The following LTBR variants were observed in gnomAD, a reference collection of about 807,000 sequenced individuals.
The protein encoded by LTBR is tumor necrosis factor receptor superfamily member 3.
LTBR carries 15 observed loss-of-function variants against 45.4 expected under a neutral mutation model. The observed-to-expected ratio is 0.33, with a 90% CI of 0.22 to 0.51. The LOEUF is 0.51. Ranked by LOEUF, LTBR falls within the 20% of genes least tolerant of loss-of-function variation. The pLI is 0.97. For synonymous variants in LTBR, 228 were observed against 231.0 expected (o/e 0.99, Z 0.12); for missense variants, 450 against 565.5 (o/e 0.80, Z 2.07).
chr12:6,375,592 A>G, exon 1 of LTBR: 3 of 983,388 alleles, frequency 3.1e-6, no homozygotes, highest in Non-Finnish European at 4.4e-6. Context: ...ATCTCAATTA[A>G]AGGTGAGCAG....
rs1034540702 is a variant in LTBR, at chr12:6,385,080, C to T, written c.252C>T (p.Ala84=). 1 of 1,614,208 alleles carries T rather than the reference C, an allele frequency of 6.2e-7. No homozygotes were observed. The highest frequency in any genetic ancestry group is 1.3e-5 in the African/African-American group (1 of 75,046). ...RIRDTVCATC[A]ENSYNEHWNY... is the part of the protein sequence containing the mutation. ...GGGACACAGTTTGTGCCACATGTGC[C>T]GAGAATTCCTACAACGAGCACTGGA... Residue 84 remains alanine (A), a synonymous_variant, in exon 3 of 10, where the codon GCC becomes GCT. Transcript: ENST00000228918.
chr12:6,384,865 C>T (rs771730050), intron 2 of LTBR, 157 bp from the exon 3 acceptor site: 2 of 1,080,372 alleles, frequency 1.9e-6, no homozygotes, highest in Admixed American at 2.0e-5. Flanking sequence ...CACTGGGCCT[C>T]CTCTTTCCTT....
intron 1 of LTBR, among the ~76,000 whole-genome samples, chr12:6,376,750 C>T (rs1216658826): frequency 6.6e-6 from 1 of 152,130 alleles, no homozygotes; most frequent in East Asian, 1.9e-4. Flanking sequence ...GCCCTGCACG[C>T]GGCAGGGAAG....
intron 1 of LTBR, chr12:6,377,160 T>G: frequency 9.4e-7 from 1 of 1,063,496 alleles, no homozygotes; most frequent in Non-Finnish European, 1.4e-6. Context: ...TCCAACCTGG[T>G]CTGTGGCTTC....
At position 6,385,252 on chromosome 12, in the gene LTBR, C is replaced by G; in HGVS notation, c.345C>G (p.Pro115=). The change falls in exon 4 of 10, where the codon CCC becomes CCG. Residue 115 remains proline (P), a synonymous_variant. Transcript: ENST00000228918. ...TGATGGGCCTCGAGGAGATTGCCCC[C>G]TGCACAAGCAAACGGAAGACCCAGT... The part of the protein sequence containing the change: ...DPVMGLEEIA[P]CTSKRKTQCR... The G allele has an allele frequency of 6.2e-7, 1 of 1,614,120 alleles. No individual in the cohort carries two copies.
upstream of LTBR, among the ~76,000 whole-genome samples, chr12:6,380,498 A>G (rs747934720): frequency 2.0e-5 from 3 of 152,288 alleles, no homozygotes; most frequent in African/African-American, 2.4e-5. Flanking sequence ...CCTGTGGCCA[A>G]CATGGCAAAA....
rs572333584 is a variant in LTBR, at chr12:6,391,268, G to A, written c.*331G>A. 9 of 230,330 alleles carry A rather than the reference G, an allele frequency of 3.9e-5. No homozygotes were observed. The highest frequency in any genetic ancestry group is 1.7e-4 in the South Asian group (1 of 5,842). The allele number at this position is 230,330 out of a possible 1,614,324, so 14.3% of individuals were successfully genotyped here. Reference sequence around the variant, plus strand: ...ACCGGAGCACGGCACCGAGGGAGCCGCCACACGGTCACCTGCAAGGACGTC... The same window carrying A: ...ACCGGAGCACGGCACCGAGGGAGCCACCACACGGTCACCTGCAAGGACGTC... On this transcript the variant is annotated 3_prime_UTR_variant, in exon 10 of 10. Transcript: ENST00000228918.
At position 6,388,807 on chromosome 12, in the gene LTBR, G is replaced by A. The variant is rs1352513819; in HGVS notation, c.783G>A (p.Leu261=). Residue 261 remains leucine (L), a synonymous_variant, in exon 8 of 10, where the codon CTG becomes CTA. Transcript: ENST00000228918. The surrounding 1 kb of genome is among the most constrained non-coding windows in gnomAD (Gnocchi z 4.3). ...HPSLCRKLGS[L]LKRRPQGEGP... is the part of the protein sequence containing the mutation. ...TTTCATTCTCCATTGCAGGATCGCT[G>A]CTCAAGAGGCGTCCGCAGGTAATGG... 1 of 1,614,086 alleles carries A rather than the reference G, an allele frequency of 6.2e-7. No individual in the cohort carries two copies. Among genetic ancestry groups the A allele is most frequent in the African/African-American group, 1.3e-5 (1 of 75,044 alleles).
upstream of LTBR, among the ~76,000 whole-genome samples, chr12:6,383,590 C>T (rs1424013593): frequency 6.6e-6 from 1 of 152,166 alleles, no homozygotes; most frequent in Admixed American, 6.5e-5. Flanking sequence ...GCAAGCTGCA[C>T]AGCTCTCAAG....
chr12:6,377,535 C>G (rs370967192), intron 1 of LTBR: 1 of 758,920 alleles, frequency 1.3e-6, no homozygotes, highest in Non-Finnish European at 2.1e-6. Context: ...ACACAGAGCC[C>G]GTGGATTCGT....
rs1002540102 is a variant in LTBR, at chr12:6,386,837, C to T, written c.667+393C>T. Reference sequence around the variant, plus strand: ...TATTAGACAGAAGATTCCCATTTGACTCTTTCTTGACTGTTTCCTGTGGAC... The same window carrying T: ...TATTAGACAGAAGATTCCCATTTGATTCTTTCTTGACTGTTTCCTGTGGAC... On this transcript the variant is annotated intron_variant, in intron 6 of 9. Transcript: ENST00000228918. This position sits in a 1 kb window ranked among gnomAD's most constrained non-coding sequence, Gnocchi z 4.1. 5.9e-6 allele frequency: 1 copy of T among 169,684 alleles called. No individual in the cohort carries two copies. Among genetic ancestry groups the T allele is most frequent in the Non-Finnish European group, 1.3e-5 (1 of 79,392 alleles). 10.5% of individuals were successfully genotyped at this position (169,684 alleles called of 1,614,324 possible).
In LTBR at chr12:6,386,537, T is replaced by G. The variant is rs1029444170; in HGVS notation, c.667+93T>G. On this transcript the variant is annotated intron_variant, in intron 6 of 9. Transcript: ENST00000228918. This position sits in a 1 kb window ranked among gnomAD's most constrained non-coding sequence, Gnocchi z 4.1. Reference sequence around the variant, plus strand: ...AAAAAAATGGGGAAAAGATGAACACTTCCCTCCCAGAATTGGGCAAGAAGA... The same window carrying G: ...AAAAAAATGGGGAAAAGATGAACACGTCCCTCCCAGAATTGGGCAAGAAGA... 5 of 980,472 alleles carry G rather than the reference T, an allele frequency of 5.1e-6. No homozygotes were observed. The Admixed American group carries it at 9.1e-5, about 18-fold the overall frequency. 60.7% of individuals were successfully genotyped at this position (980,472 alleles called of 1,614,324 possible).
At chr12:6,390,408 G>C in intron 9 of LTBR, 68 bp downstream of exon 9, 1 of 1,369,018 alleles carries the variant, frequency 7.3e-7, no homozygotes, top group Non-Finnish European at 1.0e-6. Context: ...GAGAGACTGT[G>C]GGCCAGATGA....
At chr12:6,383,366 T>A (rs980642119), upstream of LTBR, among the ~76,000 whole-genome samples, 12 of 152,168 alleles carry the variant, frequency 7.9e-5, 1 homozygote, top group African/African-American at 2.9e-4. Flanking sequence ...CCCTTATGTA[T>A]CACCCTTAGC....
At chr12:6,382,543 C>T (rs1016106546), upstream of LTBR, among the ~76,000 whole-genome samples, 2 of 152,230 alleles carry the variant, frequency 1.3e-5, no homozygotes, top group Non-Finnish European at 2.9e-5. Flanking sequence ...CCCTGGAAGG[C>T]TCAGCAGCCC....
upstream of LTBR, among the ~76,000 whole-genome samples, chr12:6,380,503 GCAAAACACCATCTCTACTAAAAATA>G (rs1263308064): frequency 1.3e-5 from 2 of 152,084 alleles, no homozygotes; most frequent in Non-Finnish European, 2.9e-5. Context: ...GGCCAACATG[GCAAAACACCATCTCTACTAAAAATA>G]CAAAAATTAG....
At position 6,375,920 on chromosome 12, in the gene LTBR, A is replaced by G. The variant is rs1264170367; in HGVS notation, c.39+326A>G. Reference sequence around the variant, plus strand: ...AGACAATAGAGAGGGACAGCGAAGGACAGAGAGATAGGGATGGAGGAGGGG... The same window carrying G: ...AGACAATAGAGAGGGACAGCGAAGGGCAGAGAGATAGGGATGGAGGAGGGG... On this transcript the variant is annotated intron_variant, in intron 1 of 9. Transcript: ENST00000539925. The G allele has an allele frequency of 3.6e-6, 4 of 1,117,034 alleles. No homozygotes were observed. In the African/African-American group the frequency reaches 6.7e-5, roughly 19 times the overall value. The allele number at this position is 1,117,034 out of a possible 1,614,324, so 69.2% of individuals were successfully genotyped here.
chr12:6,379,563 T>TGAAAG (rs1433627725), upstream of LTBR, among the ~76,000 whole-genome samples: 2 of 152,200 alleles, frequency 1.3e-5, no homozygotes, highest in African/African-American at 4.8e-5. Context: ...TACAGATTTC[T>TGAAAG]CTTTCATTTA....
chr12:6,382,572 C>T (rs11608700), upstream of LTBR, among the ~76,000 whole-genome samples: 1 of 152,248 alleles, frequency 6.6e-6, no homozygotes, highest in African/African-American at 2.4e-5. Context: ...GCATGCTGTT[C>T]TGATACTTCT....
Sources: gnomAD v4.1 joint callset for allele counts (sites outside exome capture counted in the v4.1 genomes callset) on GRCh38, gnomAD v4.1.1 for gene constraint, Gnocchi (gnomAD v3.1) non-coding constraint, MANE v1.5 for transcripts, NCBI Gene and HGNC (gene_info 2026-07-23, HGNC 2026-07-21) for gene names.